CA10: variants seen among roughly 807,000 people sequenced by gnomAD.
The protein encoded by CA10 is carbonic anhydrase 10 (inactive), also known as carbonic anhydrase-related protein 10.
Under a neutral mutation model 44.2 loss-of-function variants are expected in CA10, and 14 were observed. The observed-to-expected ratio is 0.32, with a 90% confidence interval of 0.21 to 0.50. CA10 has a LOEUF of 0.50. Ranked by LOEUF, CA10 falls within the 20% of genes least tolerant of loss-of-function variation. CA10 has a pLI of 0.99. For missense variants in CA10, 350 were observed against 409.7 expected (o/e 0.85, Z 1.26); for synonymous variants, 159 against 141.6 (o/e 1.12, Z -0.87).
chr17:52,028,507 A>T lies in CA10; in HGVS notation c.136+43812T>A, dbSNP rs1190682659. On this transcript the variant is annotated intron_variant, in intron 2 of 8. Transcript: ENST00000451037. ...TACTGAAAACCTTTTAAAGGTACTG[A>T]TCTGGCATGAAGTGAGGTACGACTG... Among the ~76,000 whole-genome samples the T allele has an allele frequency of 2.6e-5, 4 of 152,206 alleles. No homozygotes were observed. In the East Asian group the frequency reaches 7.7e-4, roughly 29 times the overall value.
At chr17:51,863,473 T>A (rs1266223424) in intron 3 of CA10, among the ~76,000 whole-genome samples, 1 of 152,124 alleles carries the variant, frequency 6.6e-6, no homozygotes, top group African/African-American at 2.4e-5. Flanking sequence ...TGAATGTGAT[T>A]TTCTTTCTTT....
intron 3 of CA10, among the ~76,000 whole-genome samples, chr17:51,859,012 TATAC>T (rs1979179086): frequency 6.6e-6 from 1 of 152,128 alleles, no homozygotes; most frequent in African/African-American, 2.4e-5. Flanking sequence ...TTAAATGAGA[TATAC>T]AAAGCATCTA....
intron 4 of CA10, among the ~76,000 whole-genome samples, chr17:51,710,762 A>T (rs1263976): frequency 6.6e-6 from 1 of 151,756 alleles, no homozygotes; most frequent in Non-Finnish European, 1.5e-5. Flanking sequence ...CAGAGGTTGC[A>T]AGTCCTCCCT....
chr17:51,949,405 G>T (rs961186665), intron 2 of CA10, among the ~76,000 whole-genome samples: 1 of 152,120 alleles, frequency 6.6e-6, no homozygotes, highest in African/African-American at 2.4e-5. Flanking sequence ...ACTCATTCAT[G>T]AATTAATTTT....
intron 2 of CA10, among the ~76,000 whole-genome samples, chr17:52,010,917 A>G (rs2144135204): frequency 6.7e-6 from 1 of 148,972 alleles, no homozygotes; most frequent in Admixed American, 6.7e-5. Context: ...AATGAAGTCA[A>G]GTTTCAGCAA....
chr17:51,779,358 A>G (rs1363718632), intron 3 of CA10, among the ~76,000 whole-genome samples: 2 of 152,144 alleles, frequency 1.3e-5, no homozygotes, highest in Admixed American at 1.3e-4. Flanking sequence ...ATGACTCATT[A>G]CAAATTCTGC....
intron 2 of CA10, among the ~76,000 whole-genome samples, chr17:51,971,949 G>A (rs1436612677): frequency 6.6e-6 from 1 of 151,780 alleles, no homozygotes; most frequent in Non-Finnish European, 1.5e-5. Flanking sequence ...CATTTATTTA[G>A]TTTCTATTGA....
chr17:52,032,542 G>A (rs763917858), intron 2 of CA10, among the ~76,000 whole-genome samples: 24 of 151,976 alleles, frequency 1.6e-4, no homozygotes, highest in Non-Finnish European at 2.6e-4. Flanking sequence ...CCTCTTGGCC[G>A]GTTGCTCATA....
At chr17:51,723,106 T>A (rs928166803) in intron 4 of CA10, among the ~76,000 whole-genome samples, 2 of 152,204 alleles carry the variant, frequency 1.3e-5, no homozygotes, top group Admixed American at 6.5e-5. Flanking sequence ...TTAATGAGCC[T>A]TTCAAGATGC....
chr17:51,751,352 T>C (rs1904883499), intron 3 of CA10, among the ~76,000 whole-genome samples: 1 of 152,236 alleles, frequency 6.6e-6, no homozygotes, highest in Non-Finnish European at 1.5e-5. Flanking sequence ...ATGGTGGTGA[T>C]GGTTGTACAA....
At chr17:51,832,762 G>T (rs138358648) in intron 3 of CA10, among the ~76,000 whole-genome samples, 65 of 152,278 alleles carry the variant, frequency 4.3e-4, no homozygotes, top group Admixed American at 1.2e-3. Context: ...AGTCTCCAGA[G>T]ATTGAAGATA....
intron 3 of CA10, among the ~76,000 whole-genome samples, chr17:51,749,972 A>G (rs539734581): frequency 6.6e-6 from 1 of 152,272 alleles, no homozygotes; most frequent in African/African-American, 2.4e-5. Context: ...CTTGCAACCA[A>G]ATGATCCATG....
intron 3 of CA10, among the ~76,000 whole-genome samples, chr17:51,908,892 T>C (rs1011710344): frequency 7.2e-5 from 11 of 152,092 alleles, no homozygotes; most frequent in South Asian, 2.1e-4. Flanking sequence ...GCAGAGAGAA[T>C]CAAACTCTGA....
At chr17:52,082,550 G>A (rs1473282011) in intron 1 of CA10, among the ~76,000 whole-genome samples, 1 of 152,062 alleles carries the variant, frequency 6.6e-6, no homozygotes, top group Non-Finnish European at 1.5e-5. Context: ...CAGGTACAAA[G>A]CTTCCCTCAC....
At chr17:52,153,225 C>G (rs569981196) in intron 1 of CA10, among the ~76,000 whole-genome samples, 2 of 152,140 alleles carry the variant, frequency 1.3e-5, no homozygotes, top group African/African-American at 4.8e-5. Flanking sequence ...TGATGGTTAT[C>G]TGTCAGTAAC....
At chr17:51,861,543 G>GTTT in intron 3 of CA10, among the ~76,000 whole-genome samples, 1 of 137,622 alleles carries the variant, frequency 7.3e-6, no homozygotes. Flanking sequence ...GCAGATGTGT[G>GTTT]TTTTTTTTTT....
At chr17:51,965,697 A>T (rs1020265134) in intron 2 of CA10, among the ~76,000 whole-genome samples, 7 of 151,950 alleles carry the variant, frequency 4.6e-5, no homozygotes, top group African/African-American at 1.7e-4. Flanking sequence ...TAAGCATCAA[A>T]GGAACATACT....
At chr17:52,002,593 A>G (rs1445980682) in intron 2 of CA10, among the ~76,000 whole-genome samples, 4 of 152,064 alleles carry the variant, frequency 2.6e-5, no homozygotes, top group Non-Finnish European at 5.9e-5. Flanking sequence ...AGCATGCACT[A>G]TATCTACACT....
chr17:51,988,993 C>A, intron 2 of CA10, among the ~76,000 whole-genome samples: 1 of 151,896 alleles, frequency 6.6e-6, no homozygotes, highest in East Asian at 1.9e-4. Context: ...AAGTGCTTGA[C>A]AGTTACATGT....
Sources: allele counts gnomAD v4.1 joint callset (sites outside exome capture counted in the v4.1 genomes callset), GRCh38; gene constraint gnomAD v4.1.1; transcripts MANE v1.5; gene names NCBI Gene and HGNC (gene_info 2026-07-23, HGNC 2026-07-21).